The following SUMF1 variants were observed in gnomAD, a reference collection of about 807,000 sequenced individuals.
The protein encoded by SUMF1 is sulfatase modifying factor 1.
SUMF1 carries 48 observed loss-of-function variants against 47.6 expected under a neutral mutation model. The observed-to-expected ratio is 1.01, with a 90% CI of 0.80 to 1.28. The LOEUF (loss-of-function observed/expected upper bound fraction) is 1.28, where lower values mean the gene tolerates loss of function less well. Among genes scored for constraint, SUMF1 ranks in the 50% most tolerant of loss-of-function variants. The pLI is 0.00. For missense variants in SUMF1, 571 were observed against 485.4 expected, an observed-to-expected ratio of 1.18 and a Z score of -1.66; for synonymous variants, 230 against 192.1, an observed-to-expected ratio of 1.20 and a Z score of -1.63.
chr3:4,161,865 G>T (rs1037463222), intron 8 of SUMF1, among the ~76,000 whole-genome samples: 3 of 151,844 alleles, frequency 2.0e-5, no homozygotes, highest in Non-Finnish European at 2.9e-5. Context: ...TTTTTCTCAA[G>T]CAGAATGAGT....
intron 8 of SUMF1, among the ~76,000 whole-genome samples, chr3:4,161,515 A>T (rs1312313739): frequency 6.6e-6 from 1 of 152,142 alleles, no homozygotes; most frequent in Non-Finnish European, 1.5e-5. Context: ...AAATCGTAAG[A>T]CAAAGTCCTT....
intron 8 of SUMF1, among the ~76,000 whole-genome samples, chr3:4,280,041 C>G (rs1430392947): frequency 1.3e-5 from 2 of 152,040 alleles, no homozygotes; most frequent in Non-Finnish European, 2.9e-5. Context: ...TGTAAGAAGA[C>G]AACAATTCCA....
chr3:4,324,157 C>A (rs1009201346), intron 8 of SUMF1, among the ~76,000 whole-genome samples: 1 of 151,980 alleles, frequency 6.6e-6, no homozygotes, highest in African/African-American at 2.4e-5. Flanking sequence ...ATGATACATA[C>A]ATTTCATGGT....
At chr3:4,448,868 A>C (rs930253052) in intron 3 of SUMF1, among the ~76,000 whole-genome samples, 1 of 152,236 alleles carries the variant, frequency 6.6e-6, no homozygotes, top group Non-Finnish European at 1.5e-5. Context: ...TGTTTAAGGA[A>C]GCTCTATCTC....
chr3:4,248,627 A>G (rs1178286763), intron 8 of SUMF1, among the ~76,000 whole-genome samples: 1 of 152,198 alleles, frequency 6.6e-6, no homozygotes, highest in Non-Finnish European at 1.5e-5. Context: ...AATTGATATA[A>G]GAAACATCCC....
intron 8 of SUMF1, among the ~76,000 whole-genome samples, chr3:4,151,787 G>T (rs1694342025): frequency 6.6e-6 from 1 of 151,284 alleles, no homozygotes; most frequent in South Asian, 2.1e-4. Context: ...AGCCAACCTG[G>T]GCTATATGCA....
At position 4,362,005 on chromosome 3, in the gene SUMF1, G is replaced by C; in HGVS notation, c.*139C>G. 1 of 772,296 alleles carries C rather than the reference G, an allele frequency of 1.3e-6. No homozygotes were observed. The highest frequency in any genetic ancestry group is 2.2e-6 in the Non-Finnish European group (1 of 457,356). The allele number at this position is 772,296 out of a possible 1,614,324, so 47.8% of individuals were successfully genotyped here. ...GTCAGCAATTTGGTCTCACAAGGCGGTTCCTTTGGCCATTGGGCAGGTATG... is the reference window on the plus strand; with the variant it reads ...GTCAGCAATTTGGTCTCACAAGGCGCTTCCTTTGGCCATTGGGCAGGTATG... On this transcript the variant is annotated 3_prime_UTR_variant, in exon 9 of 9. Transcript: ENST00000272902.
chr3:4,304,302 C>T (rs1390395947), intron 8 of SUMF1, among the ~76,000 whole-genome samples: 3 of 152,198 alleles, frequency 2.0e-5, no homozygotes, highest in Admixed American at 2.0e-4. Context: ...CCACCACGCC[C>T]GGCTAATTTT....
intron 9 of SUMF1, among the ~76,000 whole-genome samples, chr3:4,053,608 C>A (rs1259235847): frequency 6.6e-6 from 1 of 152,126 alleles, no homozygotes; most frequent in Admixed American, 6.6e-5. Flanking sequence ...GGTCCAGAAT[C>A]CCAGAATCTT....
At chr3:4,152,412 C>T (rs951345294) in intron 8 of SUMF1, among the ~76,000 whole-genome samples, 24 of 151,324 alleles carry the variant, frequency 1.6e-4, no homozygotes, top group Non-Finnish European at 3.4e-4. Context: ...CTCAGCCACC[C>T]GAGTAGCTAG....
At chr3:4,121,439 A>G (rs1257911211) in intron 8 of SUMF1, among the ~76,000 whole-genome samples, 2 of 152,136 alleles carry the variant, frequency 1.3e-5, no homozygotes, top group Admixed American at 1.3e-4. Flanking sequence ...GTTTTTAGCA[A>G]GGCTACCAAT....
chr3:4,382,155 G>A lies in SUMF1; in HGVS notation c.955-5766C>T, dbSNP rs192521416. Among the ~76,000 whole-genome samples the A allele has an allele frequency of 2.4e-4, 36 of 152,230 alleles. 1 individual carries two copies. The South Asian group carries it at 2.5e-3, about 11-fold the overall frequency. On this transcript the variant is annotated intron_variant, in intron 7 of 8. Coordinates refer to ENST00000272902, the MANE Select transcript of SUMF1 (RefSeq NM_182760.4). ...GAGTGAAAGGCTAATGAAGATCCTCGTAACGGATGGTTCAGACTGACAATG... is the reference window on the plus strand; with the variant it reads ...GAGTGAAAGGCTAATGAAGATCCTCATAACGGATGGTTCAGACTGACAATG...
At chr3:4,344,276 C>T (rs1699329680) in intron 8 of SUMF1, among the ~76,000 whole-genome samples, 1 of 152,204 alleles carries the variant, frequency 6.6e-6, no homozygotes, top group South Asian at 2.1e-4. Flanking sequence ...GGGGAACCCC[C>T]ATTGGCATCA....
intron 8 of SUMF1, among the ~76,000 whole-genome samples, chr3:4,342,851 A>G (rs767775687): frequency 6.6e-6 from 1 of 152,184 alleles, no homozygotes; most frequent in Admixed American, 6.5e-5. Context: ...CAGCTGTCCT[A>G]AAGTCTCCAG....
At chr3:4,273,784 T>TGGG (rs1697356044) in intron 8 of SUMF1, among the ~76,000 whole-genome samples, 1 of 19,526 alleles carries the variant, frequency 5.1e-5, no homozygotes, top group African/African-American at 2.4e-4. Flanking sequence ...GAGGGGAGGA[T>TGGG]ACGGGAGGGG....
At chr3:4,217,977 A>G (rs313679) in intron 8 of SUMF1, among the ~76,000 whole-genome samples, 91,820 of 151,834 alleles carry the variant, frequency 0.6, 28,049 homozygotes, top group South Asian at 0.69. Context: ...ACTTCAGTCA[A>G]AACATTCAGT....
chr3:4,309,636 C>A (rs1371994405), intron 8 of SUMF1, among the ~76,000 whole-genome samples: 1 of 152,192 alleles, frequency 6.6e-6, no homozygotes, highest in Non-Finnish European at 1.5e-5. Flanking sequence ...CCCCTTCACA[C>A]CCCTGCTTCC....
At chr3:4,374,551 G>A (rs368226761) in intron 8 of SUMF1, among the ~76,000 whole-genome samples, 1 of 152,172 alleles carries the variant, frequency 6.6e-6, no homozygotes, top group South Asian at 2.1e-4. Context: ...TTTTTTACAA[G>A]CTTCTGTTAC....
At chr3:4,405,385 TTTTG>T (rs1701343759) in intron 7 of SUMF1, among the ~76,000 whole-genome samples, 1 of 152,122 alleles carries the variant, frequency 6.6e-6, no homozygotes, top group African/African-American at 2.4e-5. Flanking sequence ...TTTGTGTGTA[TTTTG>T]TTTGTTTTAT....
Sources: gnomAD v4.1 joint callset for allele counts (sites outside exome capture counted in the v4.1 genomes callset) on GRCh38, gnomAD v4.1.1 for gene constraint, MANE v1.5 for transcripts, NCBI Gene and HGNC (gene_info 2026-07-23, HGNC 2026-07-21) for gene names.